Variants in GAS2 observed in about 807,000 individuals in gnomAD.
GAS2 encodes growth arrest-specific protein 2.
GAS2 carries 20 observed loss-of-function variants against 37.5 expected under a neutral mutation model. The observed-to-expected ratio is 0.53, with a 90% CI of 0.37 to 0.77. The LOEUF (loss-of-function observed/expected upper bound fraction) is 0.77, where lower values mean the gene tolerates loss of function less well. GAS2 is among the 30% of genes least tolerant of loss of function. GAS2 has a pLI of 0.00. For synonymous variants in GAS2, 144 were observed against 132.2 expected, an observed-to-expected ratio of 1.09 and a Z score of -0.61; for missense variants, 336 against 373.4, an observed-to-expected ratio of 0.90 and a Z score of 0.82.
intron 3 of GAS2, among the ~76,000 whole-genome samples, chr11:22,717,944 CT>C (rs1245927801): frequency 6.6e-6 from 1 of 151,864 alleles, no homozygotes; most frequent in Non-Finnish European, 1.5e-5. Flanking sequence ...CAAGAATGGC[CT>C]TAATTTAAAA....
intron 6 of GAS2, among the ~76,000 whole-genome samples, chr11:22,749,925 T>G (rs1853638666): frequency 6.6e-6 from 1 of 152,046 alleles, no homozygotes; most frequent in Non-Finnish European, 1.5e-5. Context: ...TCAAGTGACC[T>G]TGGTTGTCTG....
upstream of GAS2, among the ~76,000 whole-genome samples, chr11:22,666,166 C>G (rs972843353): frequency 1.3e-5 from 2 of 152,192 alleles, no homozygotes; most frequent in African/African-American, 4.8e-5. Flanking sequence ...CAACATAATG[C>G]TGAGCTGAGG....
Position 22,726,399 on chromosome 11 carries a change from G to A in GAS2, c.375G>A (p.Val125=). 6.2e-7 allele frequency: 1 copy of A among 1,612,308 alleles called. No individual in the cohort carries two copies. The highest frequency in any genetic ancestry group is 8.5e-7 in the Non-Finnish European group (1 of 1,179,170). ...NFLSWCRDLG[V]DETCLFESEG... is the part of the protein sequence containing the mutation. ...TATCCTGGTGCCGAGATTTAGGGGTGGATGAAACGTGTCTATTTGAATCGG... is the reference window on the plus strand; with the variant it reads ...TATCCTGGTGCCGAGATTTAGGGGTAGATGAAACGTGTCTATTTGAATCGG... Residue 125 remains valine, a synonymous_variant, in exon 4 of 8, where the codon GTG becomes GTA. Transcript: ENST00000454584.
At chr11:22,664,371 G>A (rs941000552), upstream of GAS2, among the ~76,000 whole-genome samples, 1 of 152,038 alleles carries the variant, frequency 6.6e-6, no homozygotes, top group African/African-American at 2.4e-5. Flanking sequence ...ACTCAAAAAA[G>A]TATTTATTAG....
At chr11:22,702,009 T>C (rs12223941) in intron 3 of GAS2, among the ~76,000 whole-genome samples, 5,339 of 152,240 alleles carry the variant, frequency 0.035, 290 homozygotes, top group African/African-American at 0.12. Context: ...TCCTATCTTC[T>C]TAAATCAAAA....
chr11:22,682,570 G>T (rs1171531816), intron 2 of GAS2, among the ~76,000 whole-genome samples: 2 of 151,900 alleles, frequency 1.3e-5, no homozygotes, highest in African/African-American at 2.4e-5. Context: ...CTGTAATTTT[G>T]TGAAATAATT....
intron 2 of GAS2, among the ~76,000 whole-genome samples, chr11:22,676,348 G>C (rs1026835401): frequency 1.4e-4 from 21 of 152,132 alleles, no homozygotes; most frequent in African/African-American, 5.1e-4. Context: ...GTTCACTAAT[G>C]ATTGTCATAT....
chr11:22,744,165 CA>C (rs1853247238), intron 5 of GAS2, among the ~76,000 whole-genome samples: 1 of 151,884 alleles, frequency 6.6e-6, no homozygotes, highest in Non-Finnish European at 1.5e-5. Context: ...CCACCACCAC[CA>C]ACAACAAAAA....
chr11:22,679,710 G>C (rs959656091), intron 2 of GAS2, among the ~76,000 whole-genome samples: 2 of 151,900 alleles, frequency 1.3e-5, no homozygotes, highest in African/African-American at 2.4e-5. Flanking sequence ...AATTACATGA[G>C]AGCATATTTT....
At chr11:22,772,559 C>T (rs902817293) in intron 7 of GAS2, among the ~76,000 whole-genome samples, 3 of 151,982 alleles carry the variant, frequency 2.0e-5, no homozygotes, top group African/African-American at 4.8e-5. Flanking sequence ...TTTTAAAAAT[C>T]GCTGAAGTTA....
At chr11:22,713,445 A>G (rs895110778) in intron 3 of GAS2, among the ~76,000 whole-genome samples, 14 of 152,174 alleles carry the variant, frequency 9.2e-5, no homozygotes, top group African/African-American at 1.9e-4. Context: ...GAGGGAATCA[A>G]TGAAAACTTC....
intron 2 of GAS2, among the ~76,000 whole-genome samples, chr11:22,683,664 T>TC (rs901030569): frequency 1.9e-5 from 2 of 103,710 alleles, no homozygotes; most frequent in African/African-American, 5.2e-5. Flanking sequence ...TAAAATAATT[T>TC]CTTTTTTTTT....
At chr11:22,801,575 T>C (rs1333639107) in intron 7 of GAS2, among the ~76,000 whole-genome samples, 1 of 152,088 alleles carries the variant, frequency 6.6e-6, no homozygotes, top group African/African-American at 2.4e-5. Flanking sequence ...GCTGTATCAA[T>C]ATATTAAATG....
At chr11:22,674,140 G>T (rs1286393628) in intron 1 of GAS2, among the ~76,000 whole-genome samples, 1 of 152,082 alleles carries the variant, frequency 6.6e-6, no homozygotes, top group Non-Finnish European at 1.5e-5. Context: ...GGAATATGAA[G>T]ACTCAGGTTC....
chr11:22,772,378 C>T (rs1330067437), intron 7 of GAS2, among the ~76,000 whole-genome samples: 1 of 152,162 alleles, frequency 6.6e-6, no homozygotes, highest in East Asian at 1.9e-4. Context: ...ATTTTCACTA[C>T]TTAAATTGCC....
chr11:22,743,318 A>G (rs1241019836), intron 5 of GAS2, among the ~76,000 whole-genome samples: 1 of 152,112 alleles, frequency 6.6e-6, no homozygotes, highest in East Asian at 1.9e-4. Context: ...TCTAAAAACC[A>G]AGAATTTTAG....
intron 1 of GAS2, among the ~76,000 whole-genome samples, chr11:22,642,734 C>T (rs1377599107): frequency 6.6e-6 from 1 of 152,030 alleles, no homozygotes; most frequent in Non-Finnish European, 1.5e-5. Context: ...ATGTAAAGAA[C>T]AAGATAGTTC....
chr11:22,673,077 C>G (rs1344690928), intron 1 of GAS2, among the ~76,000 whole-genome samples: 5 of 151,890 alleles, frequency 3.3e-5, no homozygotes, highest in Non-Finnish European at 4.4e-5. Flanking sequence ...TCAAAAATTA[C>G]TCGACAGTAA....
At chr11:22,649,472 G>A (rs1008432556) in intron 1 of GAS2, among the ~76,000 whole-genome samples, 3 of 152,060 alleles carry the variant, frequency 2.0e-5, no homozygotes, top group Admixed American at 6.5e-5. Context: ...CTATTGATTG[G>A]AATAGTTTCA....
Sources: gnomAD v4.1 joint callset for allele counts (sites outside exome capture counted in the v4.1 genomes callset) on GRCh38, gnomAD v4.1.1 for gene constraint, MANE v1.5 for transcripts, NCBI Gene and HGNC (gene_info 2026-07-23, HGNC 2026-07-21) for gene names.